Variants in GEM observed in about 807,000 individuals in gnomAD.
The protein encoded by GEM is GTP binding protein overexpressed in skeletal muscle, also known as GTP-binding protein GEM.
In GEM, 31 loss-of-function variants were observed where a neutral mutation model predicts 33.0. That is an observed-to-expected ratio of 0.94 (90% confidence interval 0.71 to 1.27). The LOEUF (loss-of-function observed/expected upper bound fraction) is 1.27, where lower values mean the gene tolerates loss of function less well. Ranked by LOEUF, GEM falls within the 50% of genes most tolerant of loss-of-function variation. GEM has a pLI of 0.00. For synonymous variants in GEM, 141 were observed against 143.7 expected, an observed-to-expected ratio of 0.98 and a Z score of 0.13; for missense variants, 354 against 390.5, an observed-to-expected ratio of 0.91 and a Z score of 0.79.
rs1809036336 is a variant in GEM, at chr8:94,262,126, T to G, written c.-46A>C. The G allele has an allele frequency of 6.6e-6, 1 of 152,242 alleles. No individual in the cohort carries two copies. The highest frequency in any genetic ancestry group is 2.4e-5 in the African/African-American group (1 of 41,438). 9.4% of individuals were successfully genotyped at this position (152,242 alleles called of 1,614,324 possible). ...AGTGCTGAGCGCACGTTCCAGGGGT[T>G]CTTTTCTCAACTTCGAAAGTTCTGC... is the stretch of plus-strand genomic sequence containing the variant. On this transcript the variant is annotated 5_prime_UTR_variant, in exon 1 of 5. Coordinates refer to ENST00000297596, the MANE Select transcript of GEM (RefSeq NM_005261.4).
At chr8:94,253,171 G>C in intron 2 of GEM, 59 bp from the exon 3 acceptor site, 1 of 872,108 alleles carries the variant, frequency 1.1e-6, no homozygotes, top group Non-Finnish European at 2.0e-6. Context: ...TTCTCCATAA[G>C]AGGGTCAGGT....
chr8:94,252,109 G>A lies in GEM; in HGVS notation c.523C>T (p.Leu175Phe), dbSNP rs762054664. Reference protein sequence around the residue: ...FEKASELRIQLRRARQTEDIP... With the variant: ...FEKASELRIQFRRARQTEDIP... ...TCCTCTGTCTGCCGGGCCCTGCGGA[G>A]CTGGATTCGCAGCTCAGATGCCTTC... is the stretch of plus-strand genomic sequence containing the variant. The change falls in exon 4 of 5, where the codon CTC becomes TTC. Residue 175 changes from leucine to phenylalanine, a missense_variant. Coordinates refer to ENST00000297596, the MANE Select transcript of GEM (RefSeq NM_005261.4). 2.6e-5 allele frequency: 42 copies of A among 1,613,940 alleles called. 2 individuals are homozygous for A. In the South Asian group the frequency reaches 4.6e-4, roughly 18 times the overall value.
intron 2 of GEM, among the ~76,000 whole-genome samples, chr8:94,256,478 C>T (rs1808895415): frequency 6.6e-6 from 1 of 152,202 alleles, no homozygotes; most frequent in Admixed American, 6.5e-5. Context: ...AAGACTGGCT[C>T]AAGTGCTGTG....
chr8:94,258,631 C>CT (rs989073794), intron 2 of GEM, among the ~76,000 whole-genome samples: 2 of 152,216 alleles, frequency 1.3e-5, no homozygotes, highest in Admixed American at 6.5e-5. Flanking sequence ...GGGAAAGTCA[C>CT]TTGACTTTGT....
chr8:94,257,172 TTTTTA>T (rs1376074454), intron 2 of GEM, among the ~76,000 whole-genome samples: 52 of 151,986 alleles, frequency 3.4e-4, no homozygotes, highest in Non-Finnish European at 5.2e-4. Context: ...TTTATTTTTA[TTTTTA>T]TTTTATTTTA....
At chr8:94,251,942 A>C in intron 4 of GEM, 77 bp downstream of exon 4, 1 of 1,097,060 alleles carries the variant, frequency 9.1e-7, no homozygotes, top group Admixed American at 1.7e-5. Flanking sequence ...TCGTGGAAGG[A>C]GGGAAGAACC....
chr8:94,252,334 T>C (rs893441306), intron 3 of GEM, 111 bp from the exon 4 acceptor site: 9 of 741,672 alleles, frequency 1.2e-5, no homozygotes, highest in African/African-American at 3.5e-5. Context: ...ATAGGAAAAA[T>C]AGGAAAAAGG....
intron 2 of GEM, among the ~76,000 whole-genome samples, chr8:94,256,234 A>G (rs1214313621): frequency 7.2e-6 from 1 of 139,818 alleles, no homozygotes; most frequent in Non-Finnish European, 1.5e-5. Flanking sequence ...GCCTGACTTC[A>G]GCAAGAATCC....
intron 4 of GEM, among the ~76,000 whole-genome samples, chr8:94,251,328 G>C (rs1808765397): frequency 6.6e-6 from 1 of 152,150 alleles, no homozygotes; most frequent in Non-Finnish European, 1.5e-5. Context: ...AATGATTACT[G>C]TAGACAGTTG....
rs1215383032 is a variant in GEM, at chr8:94,262,249, G to A, written c.-169C>T. The A allele has an allele frequency of 6.6e-6, 1 of 152,246 alleles. No individual in the cohort carries two copies. Among genetic ancestry groups the A allele is most frequent in the African/African-American group, 2.4e-5 (1 of 41,448 alleles). 9.4% of individuals were successfully genotyped at this position (152,246 alleles called of 1,614,324 possible). ...GTCGGGGCGTCAGCGTATCGCGTGG[G>A]TCCGCGCTGGGATACCCGGGCCAAC... is the stretch of plus-strand genomic sequence containing the variant. On this transcript the variant is annotated 5_prime_UTR_variant, in exon 1 of 5. Transcript: ENST00000297596.
intron 3 of GEM, among the ~76,000 whole-genome samples, chr8:94,252,794 T>C (rs1464072046): frequency 6.6e-6 from 1 of 152,206 alleles, no homozygotes; most frequent in East Asian, 1.9e-4. Context: ...AAATAAACTT[T>C]TTGGGTGTGT....
Position 94,255,644 on chromosome 8 carries a change from G to A in GEM, c.332-2532C>T, listed in dbSNP as rs117917901. 3.3e-3 allele frequency among the ~76,000 whole-genome samples: 506 copies of A among 152,306 alleles called. 6 individuals are homozygous for A. Among genetic ancestry groups the A allele is most frequent in the South Asian group, 0.033 (159 of 4,818 alleles). On this transcript the variant is annotated intron_variant, in intron 2 of 4. Coordinates refer to ENST00000297596, the MANE Select transcript of GEM (RefSeq NM_005261.4). Reference sequence around the variant, plus strand: ...TCCTTTTCAAGTGCTAATCAGGTGAGAAGAAGGGAAGGAAAAGAATACCAG... The same window carrying A: ...TCCTTTTCAAGTGCTAATCAGGTGAAAAGAAGGGAAGGAAAAGAATACCAG...
intron 2 of GEM, among the ~76,000 whole-genome samples, chr8:94,253,758 T>C (rs779426369): frequency 2.0e-5 from 3 of 152,182 alleles, no homozygotes; most frequent in Non-Finnish European, 4.4e-5. Flanking sequence ...ATGGAAACTT[T>C]CCTCCCTGCA....
At chr8:94,252,367 TA>T in intron 3 of GEM, 144 bp from the exon 4 acceptor site, 1 of 636,444 alleles carries the variant, frequency 1.6e-6, no homozygotes, top group Non-Finnish European at 2.8e-6. Flanking sequence ...TCCAACTCCC[TA>T]AAAGCATTGG....
intron 3 of GEM, 148 bp from the exon 4 acceptor site, chr8:94,252,371 A>T: frequency 1.6e-6 from 1 of 632,810 alleles, no homozygotes; most frequent in Non-Finnish European, 2.8e-6. Flanking sequence ...ACTCCCTAAA[A>T]GCATTGGTCT....
Position 94,260,289 on chromosome 8 carries a change from C to T in GEM, c.215G>A (p.Gly72Glu), listed in dbSNP as rs751506282. ...STDSVISSES[G>E]NTYYRVVLIG... is the part of the protein sequence containing the mutation. ...GAGCACCACTCGGTAGTAGGTGTTC[C>T]CTGACTCAGAGGAGATGACTGAGTC... The change falls in exon 2 of 5, where the codon GGG becomes GAG. Residue 72 changes from glycine (G) to glutamate (E), a missense_variant. Coordinates refer to ENST00000297596, the MANE Select transcript of GEM (RefSeq NM_005261.4). 1 of 1,613,902 alleles carries T rather than the reference C, an allele frequency of 6.2e-7. No individual in the cohort carries two copies. Among genetic ancestry groups the T allele is most frequent in the South Asian group, 1.1e-5 (1 of 91,086 alleles).
At position 94,250,261 on chromosome 8, in the gene GEM, T is replaced by C; in HGVS notation, c.*49A>G. On this transcript the variant is annotated 3_prime_UTR_variant, in exon 5 of 5. Transcript: ENST00000297596. The stretch of plus-strand genomic sequence containing the variant: ...ATCTAATATAGATTATTGGTCCCAA[T>C]GGCCTTCAACAACGGCCATCAAAGG... 6.9e-7 allele frequency: 1 copy of C among 1,455,100 alleles called. No homozygotes were observed. Among genetic ancestry groups the C allele is most frequent in the Non-Finnish European group, 9.5e-7 (1 of 1,054,178 alleles). 90.1% of individuals were successfully genotyped at this position (1,455,100 alleles called of 1,614,324 possible).
At position 94,250,057 on chromosome 8, in the gene GEM, A is replaced by G. The variant is rs550767682; in HGVS notation, c.*253T>C. 1 of 475,104 alleles carries G rather than the reference A, an allele frequency of 2.1e-6. No individual in the cohort carries two copies. The highest frequency in any genetic ancestry group is 4.3e-5 in the South Asian group (1 of 23,488). 29.4% of individuals were successfully genotyped at this position (475,104 alleles called of 1,614,324 possible). ...TCCAAAATAGAAGAAACACATGTGA[A>G]CACCAAACACATCCTCTAAAGAGTC... On this transcript the variant is annotated 3_prime_UTR_variant, in exon 5 of 5. Coordinates refer to ENST00000297596, the MANE Select transcript of GEM (RefSeq NM_005261.4).
At chr8:94,252,353 C>A in intron 3 of GEM, 130 bp from the exon 4 acceptor site, 1 of 657,096 alleles carries the variant, frequency 1.5e-6, no homozygotes, top group Non-Finnish European at 2.7e-6. Context: ...GGAAGAAAAT[C>A]GCTTCCAACT....
Sources: allele counts gnomAD v4.1 joint callset (sites outside exome capture counted in the v4.1 genomes callset), GRCh38; gene constraint gnomAD v4.1.1; transcripts MANE v1.5; gene names NCBI Gene and HGNC (gene_info 2026-07-23, HGNC 2026-07-21).